The following ASPSCR1 variants were observed in gnomAD, a reference collection of about 807,000 sequenced individuals.
ASPSCR1 encodes the protein tether containing UBX domain for GLUT4.
ASPSCR1 carries 55 observed loss-of-function variants against 68.9 expected under a neutral mutation model. The ratio of observed to expected loss-of-function variants is 0.80; its 90% CI spans 0.64 to 1.00. ASPSCR1 has a LOEUF of 1.00. Ranked by LOEUF, ASPSCR1 falls within the 50% of genes least tolerant of loss-of-function variation. The pLI is 0.00. For missense variants in ASPSCR1, 765 were observed against 762.2 expected, an observed-to-expected ratio of 1.00 and a Z score of -0.04; for synonymous variants, 352 against 332.6, an observed-to-expected ratio of 1.06 and a Z score of -0.63.
intron 12 of ASPSCR1, chr17:82,015,578 C>T (rs1255739454): frequency 1.6e-5 from 10 of 629,558 alleles, no homozygotes; most frequent in Non-Finnish European, 2.4e-5. Context: ...AGGGAGCCCT[C>T]TCGCCCGGCA....
At chr17:82,015,781 T>G in intron 12 of ASPSCR1, 1 of 215,922 alleles carries the variant, frequency 4.6e-6, no homozygotes, top group Non-Finnish European at 9.3e-6. Context: ...CCGTGCCCCC[T>G]TCCTGGCTCC....
chr17:82,009,667 G>A (rs113733444), intron 9 of ASPSCR1, 100 bp downstream of exon 9: 17 of 917,570 alleles, frequency 1.9e-5, no homozygotes, highest in African/African-American at 1.4e-4. Context: ...AGCTCTGAGC[G>A]GGCCCCCTGT....
intron 10 of ASPSCR1, 133 bp downstream of exon 10, chr17:82,011,001 C>G: frequency 2.8e-6 from 3 of 1,062,188 alleles, no homozygotes; most frequent in Non-Finnish European, 2.7e-6. Context: ...GGTGCGGGTG[C>G]TGATGTCCCC....
At chr17:82,005,457 C>T (rs560435042) in intron 7 of ASPSCR1, 1 of 152,294 alleles carries the variant, frequency 6.6e-6, no homozygotes, top group African/African-American at 2.4e-5. Flanking sequence ...TTCTGGAAGG[C>T]TCCTCCTGGC....
chr17:82,002,933 G>A (rs2042584022), intron 7 of ASPSCR1, among the ~76,000 whole-genome samples: 2 of 151,592 alleles, frequency 1.3e-5, no homozygotes, highest in Non-Finnish European at 2.9e-5. Flanking sequence ...GGAGTGTGGT[G>A]GTGCGATCTC....
intron 7 of ASPSCR1, among the ~76,000 whole-genome samples, chr17:82,002,168 A>G (rs1013321655): frequency 1.3e-5 from 2 of 148,282 alleles, no homozygotes; most frequent in African/African-American, 5.0e-5. Context: ...TTCATCTTCT[A>G]AAGTATTTTT....
chr17:81,995,161 T>C (rs1598405604), intron 5 of ASPSCR1: 2 of 493,850 alleles, frequency 4.0e-6, no homozygotes, highest in East Asian at 6.8e-5. Context: ...GGTGTTTTGA[T>C]CATTTTCAAA....
intron 11 of ASPSCR1, 188 bp from the exon 12 acceptor site, chr17:82,012,043 C>T (rs1334352627): frequency 4.0e-6 from 3 of 746,316 alleles, no homozygotes; most frequent in African/African-American, 1.7e-5. Context: ...TGGGCCTGCC[C>T]CCCACCGGCC....
At chr17:81,985,071 T>G in intron 3 of ASPSCR1, among the ~76,000 whole-genome samples, 1 of 84,786 alleles carries the variant, frequency 1.2e-5, no homozygotes. Flanking sequence ...CGCACACACC[T>G]GTACACACAC....
In ASPSCR1 at chr17:81,996,831, G is replaced by A; in HGVS notation, c.918G>A (p.Glu306=). ...AGCGGGAGCGGGATCCCCAGCAGGAGCAGGAGCGGGAGCGGGTAAAAGGGG... is the reference window on the plus strand; with the variant it reads ...AGCGGGAGCGGGATCCCCAGCAGGAACAGGAGCGGGAGCGGGTAAAAGGGG... ...EQERERDPQQ[E]QERERPVDRE... Residue 306 remains glutamate (E), a synonymous_variant, in exon 7 of 16, where the codon GAG becomes GAA. Coordinates refer to ENST00000306739, the MANE Select transcript of ASPSCR1 (RefSeq NM_024083.4). 1 of 1,602,524 alleles carries A rather than the reference G, an allele frequency of 6.2e-7. No homozygotes were observed. The highest frequency in any genetic ancestry group is 8.5e-7 in the Non-Finnish European group (1 of 1,175,744).
Position 82,017,385 on chromosome 17 carries a change from TA to T in ASPSCR1, c.*66del, listed in dbSNP as rs763588776. 2 of 1,609,632 alleles carry T rather than the reference TA, an allele frequency of 1.2e-6. No homozygotes were observed. Among genetic ancestry groups the T allele is most frequent in the Non-Finnish European group, 1.7e-6 (2 of 1,178,212 alleles). On this transcript the variant is annotated 3_prime_UTR_variant, in exon 16 of 16. Transcript: ENST00000306739. The stretch of plus-strand genomic sequence containing the variant: ...GGACCACCTCCTCTGCCAGCAGGAA[TA>T]AAGACTTGTGCATCCCTCAACGCCT...
chr17:82,005,556 C>G (rs1364696555), intron 7 of ASPSCR1: 1 of 152,210 alleles, frequency 6.6e-6, no homozygotes, highest in Non-Finnish European at 1.5e-5. Context: ...CGGCCACACA[C>G]CTGGGGGACC....
intron 12 of ASPSCR1, chr17:82,013,436 C>T (rs1249970698): frequency 4.6e-5 from 7 of 152,396 alleles, no homozygotes; most frequent in South Asian, 2.1e-4. Context: ...TCCATCAGCT[C>T]GGCTCTAGCC....
At chr17:81,984,831 CCACACACCCCTG>C (rs1313467606) in intron 3 of ASPSCR1, among the ~76,000 whole-genome samples, 3 of 135,378 alleles carry the variant, frequency 2.2e-5, no homozygotes, top group Non-Finnish European at 4.9e-5. Flanking sequence ...GTACACACCC[CCACACACCCCTG>C]CACACACCCC....
At position 81,983,726 on chromosome 17, in the gene ASPSCR1, A is replaced by T; in HGVS notation, c.273+58A>T. 2 of 1,381,522 alleles carry T rather than the reference A, an allele frequency of 1.4e-6. No individual in the cohort carries two copies. The highest frequency in any genetic ancestry group is 2.0e-6 in the Non-Finnish European group (2 of 995,156). The allele number at this position is 1,381,522 out of a possible 1,614,324, so 85.6% of individuals were successfully genotyped here. On this transcript the variant is annotated intron_variant, in intron 3 of 15. Coordinates refer to ENST00000306739, the MANE Select transcript of ASPSCR1 (RefSeq NM_024083.4). The surrounding 1 kb of genome is among the most constrained non-coding windows in gnomAD (Gnocchi z 4.4). The stretch of plus-strand genomic sequence containing the variant: ...GGGGCACAGGATCGTTCAGCTGGCC[A>T]GGGACGGGGGACGGGACAGTGGGGG...
intron 12 of ASPSCR1, chr17:82,015,313 C>G (rs1214694007): frequency 8.1e-6 from 13 of 1,598,062 alleles, no homozygotes; most frequent in Non-Finnish European, 1.0e-5. Flanking sequence ...AGTGGCGATC[C>G]CTCCCGAGTC....
intron 10 of ASPSCR1, 82 bp from the exon 11 acceptor site, chr17:82,011,460 TG>T: frequency 1.5e-6 from 2 of 1,299,968 alleles, no homozygotes; most frequent in Non-Finnish European, 2.1e-6. Context: ...CCCAGGAGGG[TG>T]GGAGCAGTGG....
chr17:81,987,864 A>G lies in ASPSCR1; in HGVS notation c.374+2257A>G, dbSNP rs919689813. Among the ~76,000 whole-genome samples, 10 of 151,334 alleles carry G rather than the reference A, an allele frequency of 6.6e-5. No homozygotes were observed. In the Admixed American group the frequency reaches 6.6e-4, roughly 10 times the overall value. Reference sequence around the variant, plus strand: ...CTCCATCTCAAAAAAACAAAAAAACAAAAGAAACAACAAGGCTGGGCACGG... The same window carrying G: ...CTCCATCTCAAAAAAACAAAAAAACGAAAGAAACAACAAGGCTGGGCACGG... On this transcript the variant is annotated intron_variant, in intron 4 of 15. Transcript: ENST00000306739. The surrounding 1 kb of genome is among the most constrained non-coding windows in gnomAD (Gnocchi z 5.6).
chr17:82,015,435 T>G, intron 12 of ASPSCR1: 3 of 1,481,374 alleles, frequency 2.0e-6, no homozygotes, highest in Non-Finnish European at 2.7e-6. Flanking sequence ...CTGCCAAGCC[T>G]ACTTCCCTCT....
Sources: gnomAD v4.1 joint callset for allele counts (sites outside exome capture counted in the v4.1 genomes callset) on GRCh38, gnomAD v4.1.1 for gene constraint, Gnocchi (gnomAD v3.1) non-coding constraint, MANE v1.5 for transcripts, NCBI Gene and HGNC (gene_info 2026-07-23, HGNC 2026-07-21) for gene names.